ZNF383: variants seen among roughly 807,000 people sequenced by gnomAD.
ZNF383 encodes the protein zinc finger protein 383.
Under a neutral mutation model 44.2 loss-of-function variants are expected in ZNF383, and 32 were observed. That is an observed-to-expected ratio of 0.72 (90% CI 0.55 to 0.97). The LOEUF (loss-of-function observed/expected upper bound fraction) is 0.97, where lower values mean the gene tolerates loss of function less well. Ranked by LOEUF, ZNF383 falls within the 50% of genes least tolerant of loss-of-function variation. ZNF383 has a pLI of 0.00. For missense variants in ZNF383, 487 were observed against 562.5 expected, an observed-to-expected ratio of 0.87 and a Z score of 1.36; for synonymous variants, 155 against 186.2, an observed-to-expected ratio of 0.83 and a Z score of 1.36.
At chr19:37,219,300 G>A (rs901212995) in intron 1 of ZNF383, 1 of 153,116 alleles carries the variant, frequency 6.5e-6, no homozygotes, top group African/African-American at 2.4e-5. Flanking sequence ...TTGTTGCCCA[G>A]GCTGGAGTGC....
chr19:37,236,109 G>T, intron 5 of ZNF383, 35 bp downstream of exon 5: 1 of 1,564,360 alleles, frequency 6.4e-7, no homozygotes, highest in Non-Finnish European at 8.8e-7. Flanking sequence ...AGAAAGTCAC[G>T]ATAGGTCAGA....
chr19:37,233,068 CT>C (rs1471857279), intron 3 of ZNF383, among the ~76,000 whole-genome samples: 2 of 152,018 alleles, frequency 1.3e-5, no homozygotes, highest in East Asian at 3.9e-4. Flanking sequence ...ATACAGTCCC[CT>C]CTTACAGCAT....
chr19:37,233,410 C>T (rs949730146), intron 3 of ZNF383, among the ~76,000 whole-genome samples: 4 of 146,684 alleles, frequency 2.7e-5, no homozygotes, highest in South Asian at 2.2e-4. Flanking sequence ...GGATTACAGG[C>T]GTGAGCCACT....
At chr19:37,221,513 T>C (rs1420492101) in intron 1 of ZNF383, among the ~76,000 whole-genome samples, 1 of 151,986 alleles carries the variant, frequency 6.6e-6, no homozygotes, top group African/African-American at 2.4e-5. Flanking sequence ...CCTAGGGAGG[T>C]TGAGGCTGCA....
intron 1 of ZNF383, among the ~76,000 whole-genome samples, chr19:37,222,045 C>G (rs1343842104): frequency 1.3e-5 from 2 of 152,002 alleles, no homozygotes; most frequent in Non-Finnish European, 2.9e-5. Context: ...TTACAGAAGC[C>G]CAAGTCTTGT....
At chr19:37,227,403 C>G (rs1411279474) in intron 2 of ZNF383, 1 of 152,110 alleles carries the variant, frequency 6.6e-6, no homozygotes, top group South Asian at 2.1e-4. Flanking sequence ...CATGAGCCAC[C>G]GCGCCCAGCC....
rs764380158 is a variant in ZNF383 at position 37,242,976 on chromosome 19, TCCATACCGGTAAGAAA to T, written c.743_758del (p.His248ProfsTer189). On this transcript the variant is annotated frameshift_variant, in exon 6 of 6. Coordinates refer to ENST00000684119, the MANE Select transcript of ZNF383 (RefSeq NM_001387601.1). LOFTEE classifies it high-confidence loss of function. ...TCATACCTTTCTCAACATCAGAGAA[TCCATACCGGTAAGAAA>T]CCCTATGAATGTAAGGAATGTGGGA... 3.2e-5 allele frequency: 51 copies of T among 1,614,046 alleles called. No individual in the cohort carries two copies. Among genetic ancestry groups the T allele is most frequent in the Non-Finnish European group, 3.9e-5 (46 of 1,180,042 alleles).
At chr19:37,222,907 A>G (rs1036381685) in intron 1 of ZNF383, among the ~76,000 whole-genome samples, 1 of 152,200 alleles carries the variant, frequency 6.6e-6, no homozygotes, top group Non-Finnish European at 1.5e-5. Flanking sequence ...GTATCAATCT[A>G]TATTCCAAAC....
At chr19:37,238,400 TTATTA>T (rs1216128332) in intron 5 of ZNF383, among the ~76,000 whole-genome samples, 1 of 151,260 alleles carries the variant, frequency 6.6e-6, no homozygotes, top group African/African-American at 2.4e-5. Flanking sequence ...TATTTCTATA[TTATTA>T]TATGTCCATG....
At position 37,243,478 on chromosome 19, in the gene ZNF383, A is replaced by G. The variant is rs1974240822; in HGVS notation, c.1242A>G (p.Arg414=). 2 of 1,613,982 alleles carry G rather than the reference A, an allele frequency of 1.2e-6. No homozygotes were observed. The highest frequency in any genetic ancestry group is 1.7e-6 in the Non-Finnish European group (2 of 1,179,946). The part of the protein sequence containing the change: ...TQNSQLFQHQ[R]IHTDEKPYEC... The stretch of plus-strand genomic sequence containing the variant: ...ACTCACAACTTTTCCAGCATCAGAG[A>G]ATTCATACAGATGAAAAACCATATG... Residue 414 remains arginine (R), a synonymous_variant, in exon 6 of 6, where the codon AGA becomes AGG. Transcript: ENST00000684119.
intron 2 of ZNF383, chr19:37,227,565 G>A (rs1245669271): frequency 6.6e-6 from 1 of 152,314 alleles, no homozygotes; most frequent in Non-Finnish European, 1.5e-5. Flanking sequence ...GTGTGGAGAC[G>A]AGAGATTGTA....
At chr19:37,237,794 A>T (rs1380970883) in intron 5 of ZNF383, among the ~76,000 whole-genome samples, 1 of 151,918 alleles carries the variant, frequency 6.6e-6, no homozygotes, top group East Asian at 1.9e-4. Flanking sequence ...AGAGCACCGA[A>T]ACCCATCCTT....
chr19:37,219,813 G>A (rs1972834115), intron 1 of ZNF383: 1 of 152,214 alleles, frequency 6.6e-6, no homozygotes, highest in Non-Finnish European at 1.5e-5. Flanking sequence ...GAGTCAACAA[G>A]TGACCTGGTT....
In ZNF383 at chr19:37,248,127, A is replaced by T. The variant is rs1974434205; in HGVS notation, c.*4463A>T. ...CTCCAGCCTGGGCAACAAGAGTGAA[A>T]CTCTCTCAAAAATAAATAAGTGAAA... On this transcript the variant is annotated 3_prime_UTR_variant, in exon 6 of 6. Transcript: ENST00000684119. 6.6e-6 allele frequency: 1 copy of T among 152,196 alleles called. No individual in the cohort carries two copies. Among genetic ancestry groups the T allele is most frequent in the Non-Finnish European group, 1.5e-5 (1 of 68,034 alleles). 9.4% of individuals were successfully genotyped at this position (152,196 alleles called of 1,614,324 possible).
intron 1 of ZNF383, among the ~76,000 whole-genome samples, chr19:37,221,574 C>T (rs149003230): frequency 2.6e-5 from 4 of 151,916 alleles, no homozygotes; most frequent in African/African-American, 9.7e-5. Flanking sequence ...AGGGCAAGAC[C>T]CTGTCTCAAA....
chr19:37,227,871 T>C (rs1474012228), intron 2 of ZNF383: 2 of 152,238 alleles, frequency 1.3e-5, no homozygotes, highest in Non-Finnish European at 2.9e-5. Flanking sequence ...TTTAGTTTTG[T>C]TACTGTCAAA....
chr19:37,223,720 G>A (rs1973030050), intron 1 of ZNF383, among the ~76,000 whole-genome samples: 1 of 152,028 alleles, frequency 6.6e-6, no homozygotes, highest in African/African-American at 2.4e-5. Flanking sequence ...ATATATAGCT[G>A]TAAATGCATA....
At chr19:37,235,930 C>A in intron 4 of ZNF383, 49 bp from the exon 5 acceptor site, 1 of 1,492,558 alleles carries the variant, frequency 6.7e-7, no homozygotes, top group Non-Finnish European at 9.2e-7. Context: ...GGGACTGGAT[C>A]TCCTTTACCC....
chr19:37,242,575 G>C lies in ZNF383; in HGVS notation c.339G>C (p.Glu113Asp). The C allele has an allele frequency of 6.2e-7, 1 of 1,613,964 alleles. No homozygotes were observed. ...EIMGLTKHGL[E>D]YSSFGDVLEY... ...TGGGACTTACAAAGCATGGCCTTGA[G>C]TACTCCAGTTTTGGAGATGTTTTGG... The change falls in exon 6 of 6, where the codon GAG (glutamate) becomes GAC (aspartate). Residue 113 changes from glutamate to aspartate, a missense_variant. Coordinates refer to ENST00000684119, the MANE Select transcript of ZNF383 (RefSeq NM_001387601.1).
Sources: allele counts gnomAD v4.1 joint callset (sites outside exome capture counted in the v4.1 genomes callset), GRCh38; gene constraint gnomAD v4.1.1; transcripts MANE v1.5; gene names NCBI Gene and HGNC (gene_info 2026-07-23, HGNC 2026-07-21).